Variants in C12orf42 observed in about 807,000 individuals in gnomAD.
C12orf42 encodes the protein uncharacterized protein C12orf42.
A neutral mutation model predicts 21.6 loss-of-function variants in C12orf42; 25 were observed. The observed-to-expected ratio is 1.16, with a 90% CI of 0.84 to 1.62. The LOEUF (loss-of-function observed/expected upper bound fraction) is 1.62, where lower values mean the gene tolerates loss of function less well. Among genes scored for constraint, C12orf42 ranks in the 40% most tolerant of loss-of-function variants. C12orf42 has a pLI of 0.00. For missense variants in C12orf42, 483 were observed against 459.3 expected (o/e 1.05, Z -0.47); for synonymous variants, 174 against 175.0 (o/e 0.99, Z 0.05).
At chr12:103,399,975 A>G (rs140603513) in intron 3 of C12orf42, among the ~76,000 whole-genome samples, 60 of 152,290 alleles carry the variant, frequency 3.9e-4, no homozygotes, top group African/African-American at 1.4e-3. Context: ...ATAATATATA[A>G]TAAAGTATAT....
intron 2 of C12orf42, 140 bp from the exon 3 acceptor site, chr12:103,401,815 T>C (rs2048025678): frequency 3.9e-6 from 3 of 768,192 alleles, no homozygotes; most frequent in Admixed American, 4.6e-5. Flanking sequence ...GTACCCGATA[T>C]TGCCCACAAC....
chr12:103,279,741 A>C (rs1442138494), intron 4 of C12orf42, among the ~76,000 whole-genome samples: 1 of 152,204 alleles, frequency 6.6e-6, no homozygotes, highest in East Asian at 1.9e-4. Flanking sequence ...GTTAAAGCTG[A>C]TGCCTCTTAT....
At chr12:103,186,980 C>CA in the C12orf42 span, among the ~76,000 whole-genome samples, 8 of 151,960 alleles carry the variant, frequency 5.3e-5, no homozygotes, top group Admixed American at 1.3e-4. Context: ...TGCTTTGTTC[C>CA]AAAAAAATTT....
At chr12:103,289,427 T>C (rs1593295492) in intron 4 of C12orf42, among the ~76,000 whole-genome samples, 1 of 152,180 alleles carries the variant, frequency 6.6e-6, no homozygotes, top group Non-Finnish European at 1.5e-5. Flanking sequence ...AAATCTTGCA[T>C]GCATTTTACA....
At chr12:103,404,100 G>A (rs2048244291) in intron 2 of C12orf42, among the ~76,000 whole-genome samples, 3 of 152,166 alleles carry the variant, frequency 2.0e-5, no homozygotes, top group Admixed American at 2.0e-4. Context: ...GAAATCATGT[G>A]CATTCTGATT....
At chr12:103,370,493 T>C (rs2045095452) in intron 3 of C12orf42, among the ~76,000 whole-genome samples, 1 of 152,112 alleles carries the variant, frequency 6.6e-6, no homozygotes. Flanking sequence ...TGCCTATCAA[T>C]GTTGGACTGG....
chr12:103,506,896 ATT>A, the C12orf42 span, among the ~76,000 whole-genome samples: 10 of 58,498 alleles, frequency 1.7e-4, no homozygotes, highest in Admixed American at 2.8e-4. Context: ...TTAAATATAT[ATT>A]TATATATTAT....
At chr12:103,210,430 C>T in the C12orf42 span, among the ~76,000 whole-genome samples, 6 of 152,188 alleles carry the variant, frequency 3.9e-5, no homozygotes, top group East Asian at 7.7e-4. Flanking sequence ...CAGTTAGATA[C>T]GTACATTTTC....
At chr12:103,426,860 G>A (rs538723241) in intron 2 of C12orf42, among the ~76,000 whole-genome samples, 2 of 152,284 alleles carry the variant, frequency 1.3e-5, no homozygotes, top group East Asian at 3.9e-4. Flanking sequence ...GCCAAACTAA[G>A]CTTCATAAGT....
At chr12:103,355,159 C>T (rs2043423208) in intron 4 of C12orf42, among the ~76,000 whole-genome samples, 1 of 152,108 alleles carries the variant, frequency 6.6e-6, no homozygotes, top group Non-Finnish European at 1.5e-5. Flanking sequence ...ATCACCATGA[C>T]CAATATGTCT....
the C12orf42 span, chr12:103,504,781 A>G: frequency 8.4e-4 from 129 of 154,176 alleles, 3 homozygotes; most frequent in Non-Finnish European, 2.5e-4. Context: ...GGCCTGAGAC[A>G]TGCTGGGGGG....
the C12orf42 span, among the ~76,000 whole-genome samples, chr12:103,094,765 T>A: frequency 6.6e-6 from 1 of 152,322 alleles, no homozygotes; most frequent in Admixed American, 6.5e-5. Context: ...GAAAAAAGAT[T>A]ATTTCCTTCA....
chr12:103,108,572 T>A, the C12orf42 span, among the ~76,000 whole-genome samples: 1 of 152,100 alleles, frequency 6.6e-6, no homozygotes, highest in African/African-American at 2.4e-5. Flanking sequence ...ACCCAGTAAT[T>A]ATTTAAAAAC....
chr12:103,155,066 T>C, the C12orf42 span: 1 of 152,194 alleles, frequency 6.6e-6, no homozygotes, highest in Non-Finnish European at 1.5e-5. Flanking sequence ...CTGCAGAAAT[T>C]TGTGTGGAAC....
chr12:103,196,410 G>C, the C12orf42 span, among the ~76,000 whole-genome samples: 1 of 151,856 alleles, frequency 6.6e-6, no homozygotes, highest in African/African-American at 2.4e-5. Flanking sequence ...TGTATATTCT[G>C]TTGTTGTTGG....
intron 4 of C12orf42, among the ~76,000 whole-genome samples, chr12:103,284,054 C>A (rs905598806): frequency 6.6e-6 from 1 of 152,142 alleles, no homozygotes; most frequent in Non-Finnish European, 1.5e-5. Context: ...GTGGCAGAAT[C>A]TTGTCAATAA....
At chr12:103,116,381 A>AATATATATATATATATAT in the C12orf42 span, among the ~76,000 whole-genome samples, 9 of 136,692 alleles carry the variant, frequency 6.6e-5, no homozygotes, top group African/African-American at 2.5e-4. Flanking sequence ...AAAAAAAAAA[A>AATATATATATATATATAT]ATATATATAT....
the C12orf42 span, among the ~76,000 whole-genome samples, chr12:103,064,577 C>CA: frequency 6.6e-6 from 1 of 152,210 alleles, no homozygotes; most frequent in East Asian, 1.9e-4. Flanking sequence ...GCCCCTCAAT[C>CA]AATTTACAGA....
At chr12:103,054,252 T>G in the C12orf42 span, among the ~76,000 whole-genome samples, 1 of 151,872 alleles carries the variant, frequency 6.6e-6, no homozygotes, top group Non-Finnish European at 1.5e-5. Context: ...TTTCTTTGAT[T>G]TCTTTGGTCA....
Sources: allele counts gnomAD v4.1 joint callset (sites outside exome capture counted in the v4.1 genomes callset), GRCh38; gene constraint gnomAD v4.1.1; transcripts MANE v1.5; gene names NCBI Gene and HGNC (gene_info 2026-07-23, HGNC 2026-07-21).